MS4A15: variants seen among roughly 807,000 people sequenced by gnomAD.
The protein encoded by MS4A15 is membrane-spanning 4-domains subfamily A member 15.
In MS4A15, 22 loss-of-function variants were observed where a neutral mutation model predicts 20.6. The ratio of observed to expected loss-of-function variants is 1.07; its 90% CI spans 0.76 to 1.52. The LOEUF (loss-of-function observed/expected upper bound fraction) is 1.52, where lower values mean the gene tolerates loss of function less well. Among genes scored for constraint, MS4A15 ranks in the 40% most tolerant of loss-of-function variants. The pLI is 0.00. For missense variants in MS4A15, 312 were observed against 323.0 expected (o/e 0.97, Z 0.26); for synonymous variants, 129 against 129.3 (o/e 1.00, Z 0.02).
intron 3 of MS4A15, 53 bp from the exon 4 acceptor site, chr11:60,771,238 G>C (rs993016066): frequency 2.5e-6 from 4 of 1,600,690 alleles, no homozygotes; most frequent in Middle Eastern, 4.3e-4. Flanking sequence ...AGCAGGGTCT[G>C]CCCTGCCCAG....
chr11:60,774,276 T>C (rs511028), intron 6 of MS4A15, among the ~76,000 whole-genome samples: 114,806 of 152,116 alleles, frequency 0.75, 44,868 homozygotes, highest in Non-Finnish European at 0.86. Context: ...TAATTAGCCA[T>C]GTGTGATGGT....
chr11:60,766,458 G>A (rs1481566848), intron 2 of MS4A15, among the ~76,000 whole-genome samples: 3 of 152,166 alleles, frequency 2.0e-5, no homozygotes, highest in Non-Finnish European at 4.4e-5. Flanking sequence ...AAAACCCCCA[G>A]CACAGTGCTT....
At chr11:60,771,912 G>A (rs1370575469) in intron 4 of MS4A15, among the ~76,000 whole-genome samples, 2 of 152,164 alleles carry the variant, frequency 1.3e-5, no homozygotes, top group Non-Finnish European at 2.9e-5. Flanking sequence ...CAGAGAACAC[G>A]GCAATGAAGA....
At chr11:60,762,299 C>G (rs1853764221) in intron 1 of MS4A15, among the ~76,000 whole-genome samples, 1 of 152,204 alleles carries the variant, frequency 6.6e-6, no homozygotes, top group South Asian at 2.1e-4. Context: ...AGCTGGCATT[C>G]ATTACCCATC....
At position 60,767,576 on chromosome 11, in the gene MS4A15, G is replaced by T; in HGVS notation, c.269G>T (p.Ser90Ile). 1 of 1,554,642 alleles carries T rather than the reference G, an allele frequency of 6.4e-7. No individual in the cohort carries two copies. The highest frequency in any genetic ancestry group is 2.4e-5 in the East Asian group (1 of 41,800). Residue 90 changes from serine (S) to isoleucine (I), a missense_variant, in exon 3 of 7, where the codon AGC (serine) becomes ATC (isoleucine). Transcript: ENST00000405633. Reference sequence around the variant, plus strand: ...GGCCTCATCCACCTAGGCTTTGGCAGCGTGCTGCTCATGGTTCGCCGCGGC... The same window carrying T: ...GGCCTCATCCACCTAGGCTTTGGCATCGTGCTGCTCATGGTTCGCCGCGGC... Reference protein sequence around the residue: ...LIGLIHLGFGSVLLMVRRGHV... With the variant: ...LIGLIHLGFGIVLLMVRRGHV...
rs201606829 is a variant in MS4A15 at position 60,767,545 on chromosome 11, C to T, written c.238C>T (p.Leu80Phe). The change falls in exon 3 of 7, where the codon CTC becomes TTC. Residue 80 changes from leucine to phenylalanine, a missense_variant. Physicochemically the swap from Leu to Phe is conservative, Grantham distance 22. Transcript: ENST00000405633. Reference protein sequence around the residue: ...EPKVLGTVQILIGLIHLGFGS... With the variant: ...EPKVLGTVQIFIGLIHLGFGS... ...GGGCTTCCCGCAGACGGTGCAGATC[C>T]TCATCGGCCTCATCCACCTAGGCTT... 8.5e-4 allele frequency: 1,322 copies of T among 1,546,284 alleles called. 1 individual carries two copies. Among genetic ancestry groups the T allele is most frequent in the Non-Finnish European group, 1.0e-3 (1,192 of 1,144,522 alleles).
At chr11:60,759,821 T>C (rs10897110) in intron 1 of MS4A15, among the ~76,000 whole-genome samples, 61,130 of 151,908 alleles carry the variant, frequency 0.4, 12,904 homozygotes, top group East Asian at 0.65. Flanking sequence ...TTATTTATGA[T>C]GCAGATTCCC....
At chr11:60,768,245 C>T (rs1057165677) in intron 3 of MS4A15, among the ~76,000 whole-genome samples, 1 of 152,182 alleles carries the variant, frequency 6.6e-6, no homozygotes, top group African/African-American at 2.4e-5. Flanking sequence ...AAACCACCTG[C>T]ACTGCCCAGA....
intron 3 of MS4A15, among the ~76,000 whole-genome samples, chr11:60,768,651 A>G (rs1853944312): frequency 6.6e-6 from 1 of 152,196 alleles, no homozygotes; most frequent in African/African-American, 2.4e-5. Context: ...CAACTTCCTC[A>G]TCTAAAACTT....
At chr11:60,765,187 C>A (rs1052476212) in intron 2 of MS4A15, among the ~76,000 whole-genome samples, 1 of 152,086 alleles carries the variant, frequency 6.6e-6, no homozygotes, top group African/African-American at 2.4e-5. Flanking sequence ...AGCTGTTTGT[C>A]ATTAGCTGAA....
At chr11:60,767,139 T>A (rs374025875) in intron 2 of MS4A15, among the ~76,000 whole-genome samples, 22 of 151,996 alleles carry the variant, frequency 1.4e-4, no homozygotes, top group African/African-American at 5.1e-4. Context: ...GGAAATTGTG[T>A]GATGGACGCT....
At chr11:60,773,559 G>A in intron 5 of MS4A15, 75 bp downstream of exon 5, 7 of 1,398,526 alleles carry the variant, frequency 5.0e-6, no homozygotes, top group South Asian at 4.7e-5. Flanking sequence ...GTAGGGAGGT[G>A]AGAGTTTGCA....
At chr11:60,772,881 C>T (rs1490404797) in intron 4 of MS4A15, among the ~76,000 whole-genome samples, 1 of 152,138 alleles carries the variant, frequency 6.6e-6, no homozygotes, top group African/African-American at 2.4e-5. Context: ...CCTGTCTCCC[C>T]TGCCTGGTGC....
At chr11:60,774,356 T>C (rs546506676) in intron 6 of MS4A15, among the ~76,000 whole-genome samples, 1 of 152,308 alleles carries the variant, frequency 6.6e-6, no homozygotes, top group South Asian at 2.1e-4. Flanking sequence ...AGGTTGAGGC[T>C]GCAGTGAGCT....
At chr11:60,764,509 C>A (rs186789696) in intron 2 of MS4A15, among the ~76,000 whole-genome samples, 17 of 152,264 alleles carry the variant, frequency 1.1e-4, no homozygotes. Context: ...CTCAGATGGC[C>A]TTGAGCTATT....
At chr11:60,761,407 GATCTTCCTAT>G (rs905872160) in intron 1 of MS4A15, among the ~76,000 whole-genome samples, 3 of 152,190 alleles carry the variant, frequency 2.0e-5, no homozygotes, top group African/African-American at 7.2e-5. Flanking sequence ...ACAAGTGCCT[GATCTTCCTAT>G]ATGCCGTCTG....
At chr11:60,774,618 A>T (rs1257444563) in intron 6 of MS4A15, among the ~76,000 whole-genome samples, 1 of 152,206 alleles carries the variant, frequency 6.6e-6, no homozygotes, top group Non-Finnish European at 1.5e-5. Context: ...TTCCCAGGCC[A>T]CATGGGAGAC....
chr11:60,775,681 A>C lies in MS4A15; in HGVS notation c.689A>C (p.Tyr230Ser). 1 of 1,613,916 alleles carries C rather than the reference A, an allele frequency of 6.2e-7. No individual in the cohort carries two copies. Among genetic ancestry groups the C allele is most frequent in the East Asian group, 2.2e-5 (1 of 44,874 alleles). The part of the protein sequence containing the change: ...PSPAASAPPA[Y>S]DNVAYAQGVV ...CCGGCAGCCTCTGCGCCCCCTGCCT[A>C]TGACAATGTGGCATATGCCCAAGGA... The change falls in exon 7 of 7, where the codon TAT becomes TCT. Residue 230 changes from tyrosine to serine, a missense_variant. Transcript: ENST00000405633.
rs202234433 is a variant in MS4A15 at position 60,771,303 on chromosome 11, G to C, written c.361G>C (p.Gly121Arg). 6.2e-7 allele frequency: 1 copy of C among 1,613,780 alleles called. No individual in the cohort carries two copies. The highest frequency in any genetic ancestry group is 8.5e-7 in the Non-Finnish European group (1 of 1,179,772). ...TCTCCCCATACAGTTCATCATCTCC[G>C]GATCCCTCTCAGTGGCAGCCGAGAA... ...FWGGACFIIS[G>R]SLSVAAEKNH... is the part of the protein sequence containing the mutation. The change falls in exon 4 of 7, where the codon GGA (glycine) becomes CGA (arginine). Residue 121 changes from glycine to arginine, a missense_variant. Physicochemically the swap from Gly to Arg is moderately radical, Grantham distance 125. Coordinates refer to ENST00000405633, the MANE Select transcript of MS4A15 (RefSeq NM_001098835.2).
Sources: gnomAD v4.1 joint callset for allele counts (sites outside exome capture counted in the v4.1 genomes callset) on GRCh38, gnomAD v4.1.1 for gene constraint, MANE v1.5 for transcripts, NCBI Gene and HGNC (gene_info 2026-07-23, HGNC 2026-07-21) for gene names.